The following FGGY variants were observed in gnomAD, a reference collection of about 807,000 sequenced individuals.
FGGY encodes FGGY carbohydrate kinase domain containing, also known as FGGY carbohydrate kinase domain-containing protein.
Under a neutral mutation model 71.3 loss-of-function variants are expected in FGGY, and 72 were observed. The ratio of observed to expected loss-of-function variants is 1.01; its 90% CI spans 0.84 to 1.23. The LOEUF (loss-of-function observed/expected upper bound fraction) is 1.23. Ranked by LOEUF, FGGY falls within the 50% of genes most tolerant of loss-of-function variation. FGGY has a pLI of 0.00. For synonymous variants in FGGY, 251 were observed against 250.3 expected, an observed-to-expected ratio of 1.00 and a Z score of -0.02; for missense variants, 668 against 682.3, an observed-to-expected ratio of 0.98 and a Z score of 0.23.
intron 5 of FGGY, among the ~76,000 whole-genome samples, chr1:59,408,155 TG>T (rs1318150594): frequency 1.3e-5 from 2 of 152,222 alleles, no homozygotes; most frequent in Admixed American, 6.5e-5. Flanking sequence ...ACCTGCAAGC[TG>T]TGTTGGCTTG....
At chr1:59,524,818 G>A (rs1370574679) in intron 7 of FGGY, among the ~76,000 whole-genome samples, 1 of 152,184 alleles carries the variant, frequency 6.6e-6, no homozygotes, top group Non-Finnish European at 1.5e-5. Flanking sequence ...GCAGTTGTCT[G>A]TGTATCTCAT....
At chr1:59,514,495 T>G (rs942086379) in intron 7 of FGGY, among the ~76,000 whole-genome samples, 1 of 152,200 alleles carries the variant, frequency 6.6e-6, no homozygotes, top group African/African-American at 2.4e-5. Context: ...AGTTTTACCC[T>G]TAGAAGCTTT....
chr1:59,602,928 A>G (rs747864161), intron 8 of FGGY, among the ~76,000 whole-genome samples: 3 of 151,994 alleles, frequency 2.0e-5, no homozygotes, highest in Non-Finnish European at 2.9e-5. Flanking sequence ...TAGTAGTAGT[A>G]GTAATAGTAA....
chr1:59,314,521 G>A (rs1272036428), intron 1 of FGGY, among the ~76,000 whole-genome samples: 1 of 152,306 alleles, frequency 6.6e-6, no homozygotes, highest in Middle Eastern at 3.4e-3. Flanking sequence ...TGGAGTAGTT[G>A]TATAGAATTC....
intron 8 of FGGY, among the ~76,000 whole-genome samples, chr1:59,587,458 G>T (rs375699041): frequency 6.6e-6 from 1 of 152,070 alleles, no homozygotes; most frequent in African/African-American, 2.4e-5. Context: ...CTCCCAGCAC[G>T]CAACTGGAGA....
At chr1:59,643,928 T>C (rs1351445462) in intron 11 of FGGY, among the ~76,000 whole-genome samples, 1 of 152,172 alleles carries the variant, frequency 6.6e-6, no homozygotes, top group African/African-American at 2.4e-5. Context: ...GCTTGCCTTT[T>C]AGGATGCAAA....
intron 9 of FGGY, among the ~76,000 whole-genome samples, chr1:59,618,392 T>C (rs1206900175): frequency 6.6e-6 from 1 of 152,108 alleles, no homozygotes; most frequent in Non-Finnish European, 1.5e-5. Flanking sequence ...GATCAAAATC[T>C]TACAGTTATA....
At chr1:59,548,513 G>A (rs2095560128) in intron 7 of FGGY, among the ~76,000 whole-genome samples, 1 of 152,108 alleles carries the variant, frequency 6.6e-6, no homozygotes, top group Non-Finnish European at 1.5e-5. Context: ...CTTTGCCCAA[G>A]GGGATGAAAG....
chr1:59,382,844 C>A (rs2059633287), intron 5 of FGGY, among the ~76,000 whole-genome samples: 1 of 152,152 alleles, frequency 6.6e-6, no homozygotes, highest in Non-Finnish European at 1.5e-5. Flanking sequence ...TTACTCAGCA[C>A]TTTGACTGCC....
intron 14 of FGGY, among the ~76,000 whole-genome samples, chr1:59,676,585 A>G (rs1174853495): frequency 6.6e-6 from 1 of 151,888 alleles, no homozygotes; most frequent in African/African-American, 2.4e-5. Flanking sequence ...ATCTTCCCCT[A>G]ATGGGAAACT....
intron 6 of FGGY, among the ~76,000 whole-genome samples, chr1:59,507,496 C>T (rs1172721827): frequency 1.3e-5 from 2 of 151,924 alleles, no homozygotes; most frequent in Non-Finnish European, 1.5e-5. Context: ...TTTCTTTACA[C>T]TGTGTGTTTA....
rs944882301 is a variant in FGGY, at chr1:59,490,759, C to T, written c.671-21552C>T. Among the ~76,000 whole-genome samples, 19 of 152,088 alleles carry T rather than the reference C, an allele frequency of 1.2e-4. No individual in the cohort carries two copies. In the East Asian group the frequency reaches 2.5e-3, roughly 20 times the overall value. On this transcript the variant is annotated intron_variant, in intron 6 of 15. Coordinates refer to ENST00000303721, the MANE Select transcript of FGGY (RefSeq NM_018291.5). ...ACATAGATATCCAGTTTTCTGAGCACCATTTATTGACAAGACTGTCCTTTC... is the reference window on the plus strand; with the variant it reads ...ACATAGATATCCAGTTTTCTGAGCATCATTTATTGACAAGACTGTCCTTTC...
intron 9 of FGGY, among the ~76,000 whole-genome samples, chr1:59,621,107 A>G (rs1349806012): frequency 2.0e-5 from 3 of 152,046 alleles, no homozygotes; most frequent in Non-Finnish European, 4.4e-5. Context: ...CAGTATGTGT[A>G]TATGAAGAGA....
At chr1:59,604,163 G>A (rs2096602158) in intron 8 of FGGY, among the ~76,000 whole-genome samples, 1 of 152,244 alleles carries the variant, frequency 6.6e-6, no homozygotes, top group Non-Finnish European at 1.5e-5. Context: ...AATGTAGTAT[G>A]ATGAGCTCCC....
At position 59,387,874 on chromosome 1, in the gene FGGY, G is replaced by A. The variant is rs184332719; in HGVS notation, c.554+9037G>A. 3.6e-3 allele frequency among the ~76,000 whole-genome samples: 550 copies of A among 152,126 alleles called. 3 individuals carry two copies. Among genetic ancestry groups the A allele is most frequent in the African/African-American group, 0.012 (514 of 41,492 alleles). On this transcript the variant is annotated intron_variant, in intron 5 of 15. Transcript: ENST00000303721. ...ACCACAACATCATTATCACACTTAA[G>A]GCAATTAAAATTAATCCTCATACTC...
chr1:59,365,536 A>G (rs1200884581), intron 4 of FGGY, among the ~76,000 whole-genome samples: 1 of 152,216 alleles, frequency 6.6e-6, no homozygotes, highest in African/African-American at 2.4e-5. Context: ...CCAGTAAGAA[A>G]TGCACTTCTG....
At chr1:59,686,572 C>T (rs2097546134) in intron 14 of FGGY, among the ~76,000 whole-genome samples, 1 of 152,016 alleles carries the variant, frequency 6.6e-6, no homozygotes, top group Admixed American at 6.6e-5. Flanking sequence ...GTCTGCTATC[C>T]TCTATTATTT....
intron 7 of FGGY, among the ~76,000 whole-genome samples, chr1:59,535,388 C>T (rs1314934782): frequency 2.0e-5 from 3 of 152,130 alleles, no homozygotes; most frequent in African/African-American, 7.2e-5. Flanking sequence ...TAATGGGAGA[C>T]TTTAACACCT....
chr1:59,651,778 A>T (rs1412316207), intron 11 of FGGY, among the ~76,000 whole-genome samples: 1 of 150,164 alleles, frequency 6.7e-6, no homozygotes. Flanking sequence ...GTTATGTGTG[A>T]ATTTGATCCT....
Sources: gnomAD v4.1 joint callset for allele counts (sites outside exome capture counted in the v4.1 genomes callset) on GRCh38, gnomAD v4.1.1 for gene constraint, MANE v1.5 for transcripts, NCBI Gene and HGNC (gene_info 2026-07-23, HGNC 2026-07-21) for gene names.